Variants in CDH13 observed in about 807,000 individuals in gnomAD.
The protein encoded by CDH13 is cadherin-13.
In CDH13, 24 loss-of-function variants were observed where a neutral mutation model predicts 63.8. The observed-to-expected ratio is 0.38, with a 90% CI of 0.27 to 0.53. The LOEUF is 0.53. Ranked by LOEUF, CDH13 falls within the 20% of genes least tolerant of loss-of-function variation. The pLI, the probability that CDH13 is intolerant of heterozygous loss-of-function variation, is 0.85. For missense variants in CDH13, 1,049 were observed against 903.1 expected (o/e 1.16, Z -2.07); for synonymous variants, 503 against 355.3 (o/e 1.42, Z -4.67).
At chr16:82,647,994 T>A (rs1242961518) in intron 1 of CDH13, among the ~76,000 whole-genome samples, 1 of 152,056 alleles carries the variant, frequency 6.6e-6, no homozygotes, top group East Asian at 1.9e-4. Context: ...GATCTGAGGG[T>A]TTCATAAGGG....
intron 4 of CDH13, among the ~76,000 whole-genome samples, chr16:83,187,569 G>T (rs370890502): frequency 1.3e-5 from 2 of 152,170 alleles, no homozygotes; most frequent in East Asian, 3.9e-4. Flanking sequence ...CCAGGCAGGG[G>T]TGTTTTTTGA....
intron 7 of CDH13, among the ~76,000 whole-genome samples, chr16:83,504,280 C>A (rs926853750): frequency 1.3e-5 from 2 of 152,130 alleles, no homozygotes; most frequent in Non-Finnish European, 2.9e-5. Flanking sequence ...AACCTCCAGC[C>A]CCTCCACAAA....
At chr16:83,537,412 T>C (rs1241481219) in intron 7 of CDH13, among the ~76,000 whole-genome samples, 1 of 152,220 alleles carries the variant, frequency 6.6e-6, no homozygotes. Flanking sequence ...AATAATTTAC[T>C]TGGATTCTTC....
Position 83,317,355 on chromosome 16 carries a change from T to C in CDH13, c.637-27507T>C, listed in dbSNP as rs564371978. ...GTGATACAAGCAAAGACTTTGAATG[T>C]GGAACTTACCAGCAAGCTCCAAGGT... On this transcript the variant is annotated intron_variant, in intron 5 of 13. Transcript: ENST00000567109. Among the ~76,000 whole-genome samples, 48 of 152,310 alleles carry C rather than the reference T, an allele frequency of 3.2e-4. No individual in the cohort carries two copies. The South Asian group carries it at 9.3e-3, about 30-fold the overall frequency.
At chr16:83,483,909 A>G (rs1257897356) in intron 6 of CDH13, among the ~76,000 whole-genome samples, 1 of 152,228 alleles carries the variant, frequency 6.6e-6, no homozygotes, top group Non-Finnish European at 1.5e-5. Flanking sequence ...AGACAGAGTC[A>G]TGCTGTTCCT....
chr16:82,885,200 C>T (rs1827876651), intron 2 of CDH13, among the ~76,000 whole-genome samples: 1 of 152,038 alleles, frequency 6.6e-6, no homozygotes, highest in Non-Finnish European at 1.5e-5. Context: ...TATGGCTTTG[C>T]ATTGTAAGTA....
intron 2 of CDH13, among the ~76,000 whole-genome samples, chr16:82,951,092 A>G (rs537847243): frequency 6.6e-6 from 1 of 152,282 alleles, no homozygotes; most frequent in South Asian, 2.1e-4. Context: ...TTCAATGGCC[A>G]GGGAGTGAGG....
intron 2 of CDH13, among the ~76,000 whole-genome samples, chr16:82,876,822 A>G (rs1156482295): frequency 1.3e-5 from 2 of 152,202 alleles, no homozygotes; most frequent in Non-Finnish European, 2.9e-5. Context: ...AAAAATCAGA[A>G]GCATCCATAC....
chr16:82,769,915 A>G (rs2035198204), intron 1 of CDH13, among the ~76,000 whole-genome samples: 1 of 152,242 alleles, frequency 6.6e-6, no homozygotes, highest in African/African-American at 2.4e-5. Flanking sequence ...GAGATTAACG[A>G]GCCCATGAAT....
At chr16:82,905,696 T>G (rs1046089525) in intron 2 of CDH13, among the ~76,000 whole-genome samples, 1 of 152,230 alleles carries the variant, frequency 6.6e-6, no homozygotes, top group African/African-American at 2.4e-5. Flanking sequence ...AATAATGTAC[T>G]TTAACCCATA....
At chr16:82,942,463 T>C (rs1458940075) in intron 2 of CDH13, among the ~76,000 whole-genome samples, 1 of 152,190 alleles carries the variant, frequency 6.6e-6, no homozygotes, top group Non-Finnish European at 1.5e-5. Flanking sequence ...GTAATAGAAA[T>C]ACAGACTATA....
intron 6 of CDH13, among the ~76,000 whole-genome samples, chr16:83,364,126 A>G (rs1344843786): frequency 2.6e-5 from 4 of 152,198 alleles, no homozygotes; most frequent in African/African-American, 4.8e-5. Context: ...TTGGAGGGTC[A>G]TTTATTTCAC....
At chr16:83,413,097 A>G (rs556867464) in intron 6 of CDH13, among the ~76,000 whole-genome samples, 1 of 152,320 alleles carries the variant, frequency 6.6e-6, no homozygotes, top group South Asian at 2.1e-4. Flanking sequence ...AAACAGTGGT[A>G]ATGCCATTTC....
rs1197260400 is a variant in CDH13 at position 83,602,609 on chromosome 16, C to A, written c.1101+15C>A. 1 of 1,613,534 alleles carries A rather than the reference C, an allele frequency of 6.2e-7. No individual in the cohort carries two copies. ...CCAAGAAAGAGGTAAACCCCTGTGC[C>A]AAACACCAACCACCACTGTGGTCAC... On this transcript the variant is annotated intron_variant, in intron 8 of 13. Coordinates refer to ENST00000567109, the MANE Select transcript of CDH13 (RefSeq NM_001257.5).
chr16:83,526,868 G>T (rs980091491), intron 7 of CDH13, among the ~76,000 whole-genome samples: 1 of 152,230 alleles, frequency 6.6e-6, no homozygotes, highest in Non-Finnish European at 1.5e-5. Context: ...ATGGTGGCTC[G>T]TGCCCGTAAT....
At chr16:83,439,174 T>C (rs2072412593) in intron 6 of CDH13, among the ~76,000 whole-genome samples, 1 of 152,202 alleles carries the variant, frequency 6.6e-6, no homozygotes, top group South Asian at 2.1e-4. Flanking sequence ...GTAATACCTA[T>C]ATTCTAATGT....
rs143433743 is a variant in CDH13, at chr16:82,696,789, C to T, written c.45+69652C>T. Among the ~76,000 whole-genome samples, 26 of 152,296 alleles carry T rather than the reference C, an allele frequency of 1.7e-4. No homozygotes were observed. The East Asian group carries it at 4.2e-3, about 25-fold the overall frequency. Reference sequence around the variant, plus strand: ...TTACAAGCAAGTATTATTACAGAAACATTGCAATGAGGTACTTGTAGTTCA... The same window carrying T: ...TTACAAGCAAGTATTATTACAGAAATATTGCAATGAGGTACTTGTAGTTCA... On this transcript the variant is annotated intron_variant, in intron 1 of 13. Coordinates refer to ENST00000567109, the MANE Select transcript of CDH13 (RefSeq NM_001257.5).
chr16:83,442,272 T>G (rs2072500817), intron 6 of CDH13, among the ~76,000 whole-genome samples: 1 of 152,194 alleles, frequency 6.6e-6, no homozygotes, highest in Admixed American at 6.5e-5. Flanking sequence ...TAGATGAACT[T>G]CAGGATCCCA....
At chr16:83,363,264 T>C (rs1407560210) in intron 6 of CDH13, among the ~76,000 whole-genome samples, 1 of 152,206 alleles carries the variant, frequency 6.6e-6, no homozygotes, top group African/African-American at 2.4e-5. Context: ...ATTGACTTGA[T>C]AGTTGGCATC....
Sources: gnomAD v4.1 joint callset for allele counts (sites outside exome capture counted in the v4.1 genomes callset) on GRCh38, gnomAD v4.1.1 for gene constraint, MANE v1.5 for transcripts, NCBI Gene and HGNC (gene_info 2026-07-23, HGNC 2026-07-21) for gene names.